ACOT12: variants seen among roughly 807,000 people sequenced by gnomAD.
The protein encoded by ACOT12 is acetyl-coenzyme A thioesterase.
ACOT12 carries 51 observed loss-of-function variants against 67.7 expected under a neutral mutation model. The ratio of observed to expected loss-of-function variants is 0.75; its 90% CI spans 0.60 to 0.95. The LOEUF (loss-of-function observed/expected upper bound fraction) is 0.95. ACOT12 is among the 40% of genes least tolerant of loss of function. The pLI is 0.00. For missense variants in ACOT12, 734 were observed against 708.1 expected, an observed-to-expected ratio of 1.04 and a Z score of -0.41; for synonymous variants, 251 against 244.6, an observed-to-expected ratio of 1.03 and a Z score of -0.24.
At chr5:81,392,221 T>C (rs1760885308) in intron 1 of ACOT12, among the ~76,000 whole-genome samples, 1 of 152,200 alleles carries the variant, frequency 6.6e-6, no homozygotes, top group African/African-American at 2.4e-5. Context: ...GAGATAATGC[T>C]GGCCTATAAA....
At position 81,363,789 on chromosome 5, in the gene ACOT12, T is replaced by G. The variant is rs750758522; in HGVS notation, c.359A>C (p.Lys120Thr). Residue 120 changes from lysine (K) to threonine (T), a missense_variant and splice_region_variant, in exon 4 of 15, where the codon AAG becomes ACG. By Grantham distance (78) the Lys-to-Thr change is moderately conservative. Transcript: ENST00000307624. Reference sequence around the variant, plus strand: ...TACATCTTCACATACAAAATTTACCTTTTCTTTTCCAACTGGTTTGGCTAC... The same window carrying G: ...TACATCTTCACATACAAAATTTACCGTTTCTTTTCCAACTGGTTTGGCTAC... The part of the protein sequence containing the change: ...TFVAKPVGKE[K>T]IHLKPVTLLT... 1 of 1,607,480 alleles carries G rather than the reference T, an allele frequency of 6.2e-7. No homozygotes were observed.
At chr5:81,330,970 G>A (rs1297315305) in intron 13 of ACOT12, 30 bp from the exon 14 acceptor site, 32 of 1,552,802 alleles carry the variant, frequency 2.1e-5, no homozygotes, top group Non-Finnish European at 2.8e-5. Flanking sequence ...AAGCTCTTGT[G>A]AGAAATAAAG....
chr5:81,385,283 AAAAT>A (rs551555603), intron 2 of ACOT12, among the ~76,000 whole-genome samples: 1 of 151,954 alleles, frequency 6.6e-6, no homozygotes, highest in African/African-American at 2.4e-5. Flanking sequence ...CCCATCTCTA[AAAAT>A]AAATAAATAA....
chr5:81,312,787 G>T, the ACOT12 span: 50 of 658,346 alleles, frequency 7.6e-5, no homozygotes, highest in Non-Finnish European at 1.2e-4. Flanking sequence ...TGATCTGGGT[G>T]TGGCCAAAAA....
In ACOT12 at chr5:81,330,212, A is replaced by C; in HGVS notation, c.*182T>G. On this transcript the variant is annotated 3_prime_UTR_variant, in exon 15 of 15. Coordinates refer to ENST00000307624, the MANE Select transcript of ACOT12 (RefSeq NM_130767.3). Reference sequence around the variant, plus strand: ...TACAACAGAATTCTAAAGCTCTTTTAATGCTAATCCAAATCACTGGTATTT... The same window carrying C: ...TACAACAGAATTCTAAAGCTCTTTTCATGCTAATCCAAATCACTGGTATTT... 1 of 615,066 alleles carries C rather than the reference A, an allele frequency of 1.6e-6. No individual in the cohort carries two copies. Among genetic ancestry groups the C allele is most frequent in the Admixed American group, 3.3e-5 (1 of 30,392 alleles). 38.1% of individuals were successfully genotyped at this position (615,066 alleles called of 1,614,324 possible).
At position 81,385,770 on chromosome 5, in the gene ACOT12, C is replaced by T. The variant is rs2153859843; in HGVS notation, c.184G>A (p.Glu62Lys). The T allele has an allele frequency of 1.9e-6, 3 of 1,614,054 alleles. No homozygotes were observed. The highest frequency in any genetic ancestry group is 4.5e-5 in the East Asian group (2 of 44,874). Reference protein sequence around the residue: ...VTASVDDIQFEETARVGQVIT... With the variant: ...VTASVDDIQFKETARVGQVIT... Reference sequence around the variant, plus strand: ...AATGTCACTTACCTAGCTGTCTCCTCAAACTGTATGTCATCCACTGAGGCT... The same window carrying T: ...AATGTCACTTACCTAGCTGTCTCCTTAAACTGTATGTCATCCACTGAGGCT... The change falls in exon 2 of 15, where the codon GAG becomes AAG. Residue 62 changes from glutamate to lysine, a missense_variant. Glu to Lys is a moderately conservative substitution (Grantham distance 56). Coordinates refer to ENST00000307624, the MANE Select transcript of ACOT12 (RefSeq NM_130767.3).
intron 5 of ACOT12, among the ~76,000 whole-genome samples, chr5:81,350,652 A>G (rs1208284668): frequency 6.6e-6 from 1 of 152,218 alleles, no homozygotes; most frequent in Non-Finnish European, 1.5e-5. Flanking sequence ...CCTACAACAC[A>G]GCACCACTTT....
chr5:81,316,456 T>C, the ACOT12 span, among the ~76,000 whole-genome samples: 2 of 152,240 alleles, frequency 1.3e-5, no homozygotes, highest in African/African-American at 4.8e-5. Context: ...GTTTTCAAGA[T>C]TCATCCATAA....
chr5:81,346,288 A>G (rs1759379506), intron 6 of ACOT12, among the ~76,000 whole-genome samples: 2 of 152,282 alleles, frequency 1.3e-5, no homozygotes, highest in East Asian at 1.9e-4. Context: ...CAACAAACCA[A>G]TGCTTTTTGT....
In ACOT12 at chr5:81,359,595, C is replaced by T. The variant is rs540200031; in HGVS notation, c.496+308G>A. On this transcript the variant is annotated intron_variant, in intron 5 of 14. Transcript: ENST00000307624. Reference sequence around the variant, plus strand: ...CACGAAGCACCGTGTCAATGTATGGCATTGTCATCAACCCTTCATTCAGCC... The same window carrying T: ...CACGAAGCACCGTGTCAATGTATGGTATTGTCATCAACCCTTCATTCAGCC... 1.7e-4 allele frequency among the ~76,000 whole-genome samples: 26 copies of T among 152,344 alleles called. No homozygotes were observed. The South Asian group carries it at 5.4e-3, about 32-fold the overall frequency.
intron 13 of ACOT12, among the ~76,000 whole-genome samples, chr5:81,331,965 A>C (rs1758842233): frequency 6.6e-6 from 1 of 152,184 alleles, no homozygotes; most frequent in Non-Finnish European, 1.5e-5. Context: ...ATGATACAAC[A>C]CTGAACATCT....
At chr5:81,357,536 C>T (rs1393097302) in intron 5 of ACOT12, among the ~76,000 whole-genome samples, 1 of 151,972 alleles carries the variant, frequency 6.6e-6, no homozygotes. Context: ...GCAAACTGGC[C>T]AGCACCTCAC....
intron 4 of ACOT12, among the ~76,000 whole-genome samples, chr5:81,361,698 T>C (rs1759914443): frequency 6.6e-6 from 1 of 152,244 alleles, no homozygotes; most frequent in South Asian, 2.1e-4. Context: ...CCACCCTCTC[T>C]GAGGCTGGCC....
At chr5:81,323,536 A>T in the ACOT12 span, among the ~76,000 whole-genome samples, 2 of 152,246 alleles carry the variant, frequency 1.3e-5, no homozygotes, top group African/African-American at 4.8e-5. Flanking sequence ...GTCTGCTAAC[A>T]TTCCATTGAT....
intron 2 of ACOT12, among the ~76,000 whole-genome samples, chr5:81,383,029 A>C (rs1760630272): frequency 6.6e-6 from 1 of 152,200 alleles, no homozygotes; most frequent in Admixed American, 6.5e-5. Flanking sequence ...CCAATATCTA[A>C]TGACAGAATG....
At position 81,362,537 on chromosome 5, in the gene ACOT12, C is replaced by T. The variant is rs573275470; in HGVS notation, c.360+1251G>A. Among the ~76,000 whole-genome samples the T allele has an allele frequency of 1.6e-4, 24 of 152,256 alleles. No homozygotes were observed. The East Asian group carries it at 1.7e-3, about 11-fold the overall frequency. ...GTCTGAGGCTGGAGGGGGAATATGA[C>T]GGTCTTCCTCTGCTGCCCCTCGCAA... On this transcript the variant is annotated intron_variant, in intron 4 of 14. Transcript: ENST00000307624.
intron 11 of ACOT12, among the ~76,000 whole-genome samples, chr5:81,339,732 C>G (rs1009399063): frequency 6.6e-6 from 1 of 152,148 alleles, no homozygotes; most frequent in Non-Finnish European, 1.5e-5. Flanking sequence ...GTGATGTTTC[C>G]AAAATATACA....
intron 4 of ACOT12, among the ~76,000 whole-genome samples, chr5:81,362,312 T>C (rs1438909152): frequency 6.6e-6 from 1 of 151,984 alleles, no homozygotes; most frequent in Non-Finnish European, 1.5e-5. Context: ...ATTATAGGCA[T>C]GCACCACCAC....
At chr5:81,381,470 A>G (rs1355689038) in intron 2 of ACOT12, among the ~76,000 whole-genome samples, 1 of 152,216 alleles carries the variant, frequency 6.6e-6, no homozygotes, top group Non-Finnish European at 1.5e-5. Flanking sequence ...GAAATACTAC[A>G]TATTTTACAG....
Sources: allele counts gnomAD v4.1 joint callset (sites outside exome capture counted in the v4.1 genomes callset), GRCh38; gene constraint gnomAD v4.1.1; transcripts MANE v1.5; gene names NCBI Gene and HGNC (gene_info 2026-07-23, HGNC 2026-07-21).